The following RXFP1 variants were observed in gnomAD, a reference collection of about 807,000 sequenced individuals.
RXFP1 encodes relaxin family peptide receptor 1.
RXFP1 carries 73 observed loss-of-function variants against 89.8 expected under a neutral mutation model. The observed-to-expected ratio is 0.81, with a 90% CI of 0.67 to 0.99. The LOEUF (loss-of-function observed/expected upper bound fraction) is 0.99, where lower values mean the gene tolerates loss of function less well. RXFP1 is among the 50% of genes least tolerant of loss of function. RXFP1 has a pLI of 0.00. For missense variants in RXFP1, 793 were observed against 895.5 expected, an observed-to-expected ratio of 0.89 and a Z score of 1.46; for synonymous variants, 277 against 305.5, an observed-to-expected ratio of 0.91 and a Z score of 0.97.
intron 14 of RXFP1, among the ~76,000 whole-genome samples, chr4:158,641,689 T>C (rs1008791230): frequency 9.9e-5 from 15 of 152,242 alleles, no homozygotes; most frequent in African/African-American, 2.7e-4. Flanking sequence ...TTATTATAGC[T>C]CTTTATACAC....
intron 1 of RXFP1, among the ~76,000 whole-genome samples, chr4:158,541,146 A>C (rs1284049426): frequency 6.6e-6 from 1 of 152,164 alleles, no homozygotes; most frequent in Non-Finnish European, 1.5e-5. Context: ...GATCCCCGCT[A>C]TGCATCATGT....
intron 8 of RXFP1, among the ~76,000 whole-genome samples, chr4:158,614,456 G>A (rs1008040407): frequency 7.9e-5 from 12 of 152,152 alleles, no homozygotes; most frequent in Non-Finnish European, 1.6e-4. Context: ...ATAACTTGCC[G>A]CAGCTTCTCT....
At chr4:158,618,487 G>T (rs1412151702) in intron 9 of RXFP1, among the ~76,000 whole-genome samples, 2 of 151,964 alleles carry the variant, frequency 1.3e-5, no homozygotes, top group Non-Finnish European at 2.9e-5. Context: ...GTTTTCATAT[G>T]TAAATTCTAG....
intron 14 of RXFP1, among the ~76,000 whole-genome samples, chr4:158,639,793 G>A (rs989695134): frequency 2.0e-5 from 3 of 152,098 alleles, no homozygotes; most frequent in Non-Finnish European, 4.4e-5. Flanking sequence ...CCTGGAGGTG[G>A]AGGTTGCAGT....
chr4:158,634,114 G>C (rs746582881), intron 12 of RXFP1, among the ~76,000 whole-genome samples: 2 of 152,180 alleles, frequency 1.3e-5, no homozygotes, highest in Non-Finnish European at 2.9e-5. Context: ...TTCCATAGGA[G>C]TTTAACCATT....
At chr4:158,588,254 G>C (rs1758689972) in intron 2 of RXFP1, among the ~76,000 whole-genome samples, 1 of 151,968 alleles carries the variant, frequency 6.6e-6, no homozygotes. Flanking sequence ...TTCCACTTGA[G>C]CTCCCCAAAT....
intron 6 of RXFP1, among the ~76,000 whole-genome samples, chr4:158,609,319 C>A (rs1235995981): frequency 6.6e-6 from 1 of 152,206 alleles, no homozygotes; most frequent in Non-Finnish European, 1.5e-5. Flanking sequence ...TTCTCCACAT[C>A]CTCACCAACG....
At chr4:158,620,877 T>C (rs1377088651) in intron 9 of RXFP1, among the ~76,000 whole-genome samples, 1 of 152,120 alleles carries the variant, frequency 6.6e-6, no homozygotes, top group East Asian at 1.9e-4. Flanking sequence ...TCCCAACACT[T>C]TGGGAGGCCG....
At chr4:158,530,573 A>C (rs910997384) in intron 1 of RXFP1, among the ~76,000 whole-genome samples, 2 of 152,178 alleles carry the variant, frequency 1.3e-5, no homozygotes, top group Non-Finnish European at 2.9e-5. Flanking sequence ...AAATGTTTCT[A>C]CTTTCTCACA....
intron 1 of RXFP1, among the ~76,000 whole-genome samples, chr4:158,526,621 G>C (rs761139736): frequency 2.0e-5 from 3 of 151,990 alleles, no homozygotes; most frequent in Non-Finnish European, 4.4e-5. Flanking sequence ...GTTAGAACTT[G>C]GTATTTTCCT....
intron 6 of RXFP1, among the ~76,000 whole-genome samples, chr4:158,610,121 C>T (rs1017506695): frequency 6.6e-5 from 10 of 152,040 alleles, no homozygotes; most frequent in African/African-American, 1.7e-4. Context: ...AAAAATTAGC[C>T]GGGCATGGTG....
chr4:158,548,664 A>C (rs1749213269), intron 1 of RXFP1, among the ~76,000 whole-genome samples: 1 of 152,146 alleles, frequency 6.6e-6, no homozygotes, highest in East Asian at 1.9e-4. Context: ...AAAATCTCTC[A>C]ACATTTGCTT....
chr4:158,606,033 C>G (rs913998807), intron 5 of RXFP1, among the ~76,000 whole-genome samples: 1 of 152,172 alleles, frequency 6.6e-6, no homozygotes, highest in Admixed American at 6.5e-5. Context: ...GTATCTATTT[C>G]ATATTTGAAA....
chr4:158,615,793 T>A (rs1372444031), intron 8 of RXFP1, among the ~76,000 whole-genome samples: 1 of 150,686 alleles, frequency 6.6e-6, no homozygotes. Flanking sequence ...AAAAAAAAAA[T>A]TGTTTTTAGT....
chr4:158,599,031 T>A (rs1035299038), intron 3 of RXFP1, among the ~76,000 whole-genome samples: 3 of 150,714 alleles, frequency 2.0e-5, no homozygotes, highest in Non-Finnish European at 4.4e-5. Flanking sequence ...ATGAATGAAA[T>A]AAGAGCAGAT....
chr4:158,632,762 C>A (rs537834543), intron 11 of RXFP1, among the ~76,000 whole-genome samples: 2 of 151,772 alleles, frequency 1.3e-5, no homozygotes, highest in African/African-American at 4.8e-5. Flanking sequence ...CAATCCTAAG[C>A]GGAAGAAAAA....
chr4:158,607,070 A>G, intron 5 of RXFP1: 1 of 1,535,944 alleles, frequency 6.5e-7, no homozygotes. Context: ...AACAATGGTG[A>G]CCTGCACTCA....
At chr4:158,638,618 G>A (rs1034217407) in intron 13 of RXFP1, among the ~76,000 whole-genome samples, 1 of 151,956 alleles carries the variant, frequency 6.6e-6, no homozygotes, top group Non-Finnish European at 1.5e-5. Context: ...GAACAACCTG[G>A]GCAACATAGG....
intron 1 of RXFP1, among the ~76,000 whole-genome samples, chr4:158,543,126 A>G (rs573143642): frequency 6.6e-5 from 10 of 152,276 alleles, no homozygotes; most frequent in African/African-American, 2.4e-4. Context: ...TAACACACAC[A>G]CACCTGCACA....
Sources: allele counts gnomAD v4.1 joint callset (sites outside exome capture counted in the v4.1 genomes callset), GRCh38; gene constraint gnomAD v4.1.1; transcripts MANE v1.5; gene names NCBI Gene and HGNC (gene_info 2026-07-23, HGNC 2026-07-21).